Variants in ZMAT4 observed in about 807,000 individuals in gnomAD.
The protein encoded by ZMAT4 is zinc finger matrin-type protein 4.
A neutral mutation model predicts 28.7 loss-of-function variants in ZMAT4; 17 were observed. The ratio of observed to expected loss-of-function variants is 0.59; its 90% confidence interval spans 0.41 to 0.89. The LOEUF is 0.89. ZMAT4 is among the 40% of genes least tolerant of loss of function. The probability of loss-of-function intolerance (pLI) is 0.00; values close to 1 mark genes in which losing one functional copy is unlikely to be tolerated. For missense variants in ZMAT4, 240 were observed against 283.8 expected (o/e 0.85, Z 1.11); for synonymous variants, 117 against 109.2 (o/e 1.07, Z -0.44).
intron 5 of ZMAT4, among the ~76,000 whole-genome samples, chr8:40,594,019 C>T (rs889874474): frequency 2.0e-5 from 3 of 152,208 alleles, no homozygotes; most frequent in African/African-American, 7.2e-5. Flanking sequence ...AAGAAAACAC[C>T]TTTAAAGATG....
Position 40,693,554 on chromosome 8 carries a change from T to C in ZMAT4, c.349+3691A>G, listed in dbSNP as rs1017530677. ...TCTGTATAAAAAACCCTTTGCCTCC[T>C]TGATGCATGTTCCTCAAGATCATCC... On this transcript the variant is annotated intron_variant, in intron 4 of 6. Coordinates refer to ENST00000297737, the MANE Select transcript of ZMAT4 (RefSeq NM_024645.3). 3.2e-4 allele frequency among the ~76,000 whole-genome samples: 48 copies of C among 152,316 alleles called. 1 individual carries two copies. Among genetic ancestry groups the C allele is most frequent in the African/African-American group, 9.9e-4 (41 of 41,572 alleles).
chr8:40,639,944 A>G (rs1184517037), intron 5 of ZMAT4, among the ~76,000 whole-genome samples: 2 of 152,060 alleles, frequency 1.3e-5, no homozygotes, highest in South Asian at 2.1e-4. Flanking sequence ...ATTCTATTAT[A>G]TCCATCTTTC....
intron 2 of ZMAT4, among the ~76,000 whole-genome samples, chr8:40,801,185 T>G (rs1309346355): frequency 5.9e-5 from 9 of 151,386 alleles, no homozygotes; most frequent in Non-Finnish European, 1.0e-4. Flanking sequence ...AAATAGATAA[T>G]GTTAATAGGC....
At chr8:40,584,106 G>C (rs73622451) in intron 5 of ZMAT4, among the ~76,000 whole-genome samples, 20,010 of 152,044 alleles carry the variant, frequency 0.13, 1,909 homozygotes, top group African/African-American at 0.27. Flanking sequence ...ATTTCGCTTG[G>C]CTTAGTGATT....
intron 4 of ZMAT4, among the ~76,000 whole-genome samples, chr8:40,688,178 C>G (rs941721580): frequency 6.6e-6 from 1 of 152,014 alleles, no homozygotes; most frequent in African/African-American, 2.4e-5. Context: ...TAAAATAGGC[C>G]GGGGGGCGGT....
chr8:40,889,544 A>C (rs1818589856), intron 1 of ZMAT4, among the ~76,000 whole-genome samples: 1 of 152,230 alleles, frequency 6.6e-6, no homozygotes, highest in Non-Finnish European at 1.5e-5. Context: ...AAATGCAGTG[A>C]TAACCACCAT....
At chr8:40,801,351 A>ATATATATATATATATATATATATAT (rs1554559738) in intron 2 of ZMAT4, among the ~76,000 whole-genome samples, 22 of 97,220 alleles carry the variant, frequency 2.3e-4, no homozygotes, top group African/African-American at 7.4e-4. Flanking sequence ...TAAAAAAAAA[A>ATATATATATATATATATATATATAT]ATATATATAT....
At chr8:40,826,907 C>T (rs990565996) in intron 1 of ZMAT4, among the ~76,000 whole-genome samples, 2 of 152,096 alleles carry the variant, frequency 1.3e-5, no homozygotes, top group Non-Finnish European at 2.9e-5. Flanking sequence ...TTCACCCAGC[C>T]CACAAACTCC....
intron 4 of ZMAT4, chr8:40,690,990 T>C (rs1319521237): frequency 2.2e-6 from 2 of 927,422 alleles, no homozygotes; most frequent in Admixed American, 6.2e-5. Flanking sequence ...AATATCTGTC[T>C]TTGTTGCTAC....
At chr8:40,872,327 C>G (rs1817887384) in intron 1 of ZMAT4, among the ~76,000 whole-genome samples, 1 of 152,214 alleles carries the variant, frequency 6.6e-6, no homozygotes, top group African/African-American at 2.4e-5. Flanking sequence ...CCCAGCCCTC[C>G]AGGTGCCAGC....
At chr8:40,768,870 A>G (rs1813272828) in intron 2 of ZMAT4, among the ~76,000 whole-genome samples, 1 of 152,024 alleles carries the variant, frequency 6.6e-6, no homozygotes, top group African/African-American at 2.4e-5. Flanking sequence ...TTGTTCCACT[A>G]TGACTTTATT....
chr8:40,629,111 G>A (rs1231365356), intron 5 of ZMAT4, among the ~76,000 whole-genome samples: 4 of 149,438 alleles, frequency 2.7e-5, no homozygotes, highest in East Asian at 3.9e-4. Flanking sequence ...TCCATGATTC[G>A]ACCTCTATCT....
intron 5 of ZMAT4, among the ~76,000 whole-genome samples, chr8:40,615,060 G>A (rs1805948816): frequency 6.6e-6 from 1 of 152,140 alleles, no homozygotes; most frequent in Non-Finnish European, 1.5e-5. Flanking sequence ...GCAGTGGCTG[G>A]TACCAGTTGT....
chr8:40,724,975 T>C (rs943828876), intron 3 of ZMAT4, among the ~76,000 whole-genome samples: 1 of 152,198 alleles, frequency 6.6e-6, no homozygotes, highest in African/African-American at 2.4e-5. Flanking sequence ...ATTATACTTC[T>C]TGTTTAACCT....
At chr8:40,762,480 C>T (rs1812982302) in intron 3 of ZMAT4, among the ~76,000 whole-genome samples, 1 of 151,978 alleles carries the variant, frequency 6.6e-6, no homozygotes, top group Non-Finnish European at 1.5e-5. Flanking sequence ...CAGCAAGATC[C>T]CATCTCTACA....
At position 40,611,179 on chromosome 8, in the gene ZMAT4, T is replaced by C. The variant is rs1453658040; in HGVS notation, c.578-29918A>G. 2.6e-5 allele frequency among the ~76,000 whole-genome samples: 4 copies of C among 152,312 alleles called. No homozygotes were observed. The East Asian group carries it at 7.7e-4, about 29-fold the overall frequency. On this transcript the variant is annotated intron_variant, in intron 5 of 6. Transcript: ENST00000297737. Reference sequence around the variant, plus strand: ...GCTCTTTCATTTTAGCATAAAAGCATAAGTATTCCATTCAAATGTGGAAAA... The same window carrying C: ...GCTCTTTCATTTTAGCATAAAAGCACAAGTATTCCATTCAAATGTGGAAAA...
intron 1 of ZMAT4, among the ~76,000 whole-genome samples, chr8:40,834,616 A>G (rs1478946901): frequency 6.6e-6 from 1 of 152,116 alleles, no homozygotes; most frequent in Non-Finnish European, 1.5e-5. Flanking sequence ...TCTCACGGGA[A>G]AGGTTCACAT....
intron 1 of ZMAT4, among the ~76,000 whole-genome samples, chr8:40,878,769 G>A (rs1354711898): frequency 6.6e-6 from 1 of 152,204 alleles, no homozygotes; most frequent in East Asian, 1.9e-4. Context: ...TGCAGCTCTG[G>A]CCTCGGAGGC....
intron 1 of ZMAT4, among the ~76,000 whole-genome samples, chr8:40,894,086 G>A (rs888149277): frequency 6.6e-6 from 1 of 152,242 alleles, no homozygotes; most frequent in Non-Finnish European, 1.5e-5. Flanking sequence ...TTCCCTGCAT[G>A]CTAATGTTTC....
Sources: allele counts gnomAD v4.1 joint callset (sites outside exome capture counted in the v4.1 genomes callset), GRCh38; gene constraint gnomAD v4.1.1; transcripts MANE v1.5; gene names NCBI Gene and HGNC (gene_info 2026-07-23, HGNC 2026-07-21).